RPAP2: variants seen among roughly 807,000 people sequenced by gnomAD.
RPAP2 encodes the protein RNA polymerase II associated protein 2, also known as putative RNA polymerase II subunit B1 CTD phosphatase RPAP2.
A neutral mutation model predicts 73.1 loss-of-function variants in RPAP2; 52 were observed. The observed-to-expected ratio is 0.71, with a 90% CI of 0.57 to 0.90. The LOEUF is 0.90. RPAP2 is among the 40% of genes least tolerant of loss of function. The probability of loss-of-function intolerance (pLI) is 0.00; values close to 1 mark genes in which losing one functional copy is unlikely to be tolerated. For synonymous variants in RPAP2, 225 were observed against 242.1 expected, an observed-to-expected ratio of 0.93 and a Z score of 0.65; for missense variants, 598 against 701.8, an observed-to-expected ratio of 0.85 and a Z score of 1.67.
intron 10 of RPAP2, among the ~76,000 whole-genome samples, chr1:92,340,448 G>C (rs1347854130): frequency 6.6e-6 from 1 of 152,158 alleles, no homozygotes; most frequent in Non-Finnish European, 1.5e-5. Flanking sequence ...ACTGATAGTG[G>C]GAAAGAGTTG....
At chr1:92,314,380 TTTTA>T (rs1253895746) in intron 6 of RPAP2, among the ~76,000 whole-genome samples, 1 of 151,386 alleles carries the variant, frequency 6.6e-6, no homozygotes, top group Non-Finnish European at 1.5e-5. Context: ...TAGTAGTGCA[TTTTA>T]TTTATTCTAA....
intron 11 of RPAP2, among the ~76,000 whole-genome samples, chr1:92,357,607 C>G (rs1283479757): frequency 6.6e-6 from 1 of 152,236 alleles, no homozygotes; most frequent in African/African-American, 2.4e-5. Context: ...TCTTGGCTCA[C>G]TGCAACCTCT....
intron 6 of RPAP2, among the ~76,000 whole-genome samples, chr1:92,310,171 A>G (rs1651508300): frequency 6.6e-6 from 1 of 152,228 alleles, no homozygotes; most frequent in South Asian, 2.1e-4. Flanking sequence ...TATATATAAC[A>G]CTTGTCAGTG....
intron 8 of RPAP2, among the ~76,000 whole-genome samples, chr1:92,332,579 A>T (rs1260638909): frequency 6.6e-6 from 1 of 152,120 alleles, no homozygotes; most frequent in Non-Finnish European, 1.5e-5. Context: ...TGCTTCTGAC[A>T]TGATTTGTAG....
intron 8 of RPAP2, among the ~76,000 whole-genome samples, chr1:92,326,240 C>T (rs1652619258): frequency 6.6e-6 from 1 of 152,078 alleles, no homozygotes; most frequent in South Asian, 2.1e-4. Flanking sequence ...GATTATAATA[C>T]ATTACTGTGA....
At position 92,336,412 on chromosome 1, in the gene RPAP2, T is replaced by A. The variant is rs1354746197; in HGVS notation, c.1604T>A (p.Leu535His). The change falls in exon 10 of 13, where the codon CTT becomes CAT. Residue 535 changes from leucine (L) to histidine (H), a missense_variant. This residue lies in a region of RPAP2 where 506 missense variants were observed against 612.8 expected (regional missense o/e 0.83). Coordinates refer to ENST00000610020, the MANE Select transcript of RPAP2 (RefSeq NM_024813.3). ...GATATTTACACACAACTTAAAAATC[T>A]TGTTCGAACTTTCAGGTTAGTGTTT... ...LGDIYTQLKNLVRTFRLTNRN... is the reference protein window; with the variant it reads ...LGDIYTQLKNHVRTFRLTNRN... 6.2e-7 allele frequency: 1 copy of A among 1,603,486 alleles called. No homozygotes were observed. The highest frequency in any genetic ancestry group is 1.3e-5 in the African/African-American group (1 of 74,824).
chr1:92,302,940 T>C (rs1020581759), intron 3 of RPAP2, among the ~76,000 whole-genome samples: 1 of 151,442 alleles, frequency 6.6e-6, no homozygotes, highest in Non-Finnish European at 1.5e-5. Context: ...GGCTCATACC[T>C]GTAATCCCAG....
At chr1:92,336,770 G>A (rs776468815) in intron 10 of RPAP2, among the ~76,000 whole-genome samples, 40 of 152,068 alleles carry the variant, frequency 2.6e-4, no homozygotes, top group South Asian at 1.9e-3. Flanking sequence ...CAGGCACTAT[G>A]GGTAATGTAA....
intron 11 of RPAP2, among the ~76,000 whole-genome samples, chr1:92,347,999 T>C (rs1418876617): frequency 6.6e-6 from 1 of 152,042 alleles, no homozygotes; most frequent in Admixed American, 6.6e-5. Context: ...AGCCTCTGCC[T>C]CCCGGGTTCA....
chr1:92,363,545 A>G (rs1023621193), intron 11 of RPAP2, among the ~76,000 whole-genome samples: 7 of 152,202 alleles, frequency 4.6e-5, no homozygotes, highest in Non-Finnish European at 1.0e-4. Flanking sequence ...TTCTAAGAGT[A>G]CAGAAGTTAC....
intron 12 of RPAP2, among the ~76,000 whole-genome samples, chr1:92,386,280 G>T (rs1389203549): frequency 6.6e-6 from 1 of 152,210 alleles, no homozygotes; most frequent in Non-Finnish European, 1.5e-5. Flanking sequence ...AACAGCCATT[G>T]GGGGATATCT....
At chr1:92,379,754 G>A (rs1488300255) in intron 11 of RPAP2, among the ~76,000 whole-genome samples, 1 of 150,736 alleles carries the variant, frequency 6.6e-6, no homozygotes, top group African/African-American at 2.4e-5. Flanking sequence ...GGCCAACATG[G>A]TGAAACCCCA....
intron 6 of RPAP2, among the ~76,000 whole-genome samples, chr1:92,315,435 A>C (rs1397848825): frequency 6.6e-6 from 1 of 152,254 alleles, no homozygotes; most frequent in Non-Finnish European, 1.5e-5. Context: ...CACAGAGAAC[A>C]CATTTTGTTG....
At chr1:92,382,019 G>A (rs1655662178) in intron 12 of RPAP2, among the ~76,000 whole-genome samples, 1 of 150,884 alleles carries the variant, frequency 6.6e-6, no homozygotes, top group Non-Finnish European at 1.5e-5. Flanking sequence ...AACATGCGGT[G>A]TTTGGTTTTT....
intron 8 of RPAP2, among the ~76,000 whole-genome samples, chr1:92,332,712 C>G (rs1284061208): frequency 6.6e-6 from 1 of 152,078 alleles, no homozygotes; most frequent in Non-Finnish European, 1.5e-5. Flanking sequence ...CTTTCCAAGT[C>G]CTGGTCTCAT....
chr1:92,349,638 T>A (rs1479201604), intron 11 of RPAP2, among the ~76,000 whole-genome samples: 1 of 152,188 alleles, frequency 6.6e-6, no homozygotes, highest in African/African-American at 2.4e-5. Flanking sequence ...TAACATTTTT[T>A]AAATCTGTGC....
intron 6 of RPAP2, among the ~76,000 whole-genome samples, chr1:92,314,519 G>T (rs983570375): frequency 6.6e-6 from 1 of 152,150 alleles, no homozygotes; most frequent in African/African-American, 2.4e-5. Context: ...GGAGGCCAAG[G>T]CCGGTGGATC....
At position 92,396,860 on chromosome 1, in the gene RPAP2, G is replaced by C. The variant is rs1300196214; in HGVS notation, c.*9849G>C. On this transcript the variant is annotated 3_prime_UTR_variant, in exon 13 of 13. Coordinates refer to ENST00000610020, the MANE Select transcript of RPAP2 (RefSeq NM_024813.3). ...TCTCCAGGTTGGTCAGGCTGGTCTC[G>C]AACTCCTGACCTCAGGTGATCCTCC... 2.6e-5 allele frequency: 4 copies of C among 151,964 alleles called. No homozygotes were observed. Among genetic ancestry groups the C allele is most frequent in the Non-Finnish European group, 4.4e-5 (3 of 68,022 alleles). The allele number at this position is 151,964 out of a possible 1,614,324, so 9.4% of individuals were successfully genotyped here.
intron 11 of RPAP2, among the ~76,000 whole-genome samples, chr1:92,359,052 C>T (rs1369908885): frequency 6.6e-6 from 1 of 152,200 alleles, no homozygotes; most frequent in Non-Finnish European, 1.5e-5. Flanking sequence ...CTGTATCTTG[C>T]CCCCACCTTT....
Sources: gnomAD v4.1 joint callset for allele counts (sites outside exome capture counted in the v4.1 genomes callset) on GRCh38, gnomAD v4.1.1 for gene constraint, gnomAD v4.1.1 regional missense constraint, MANE v1.5 for transcripts, NCBI Gene and HGNC (gene_info 2026-07-23, HGNC 2026-07-21) for gene names.